CASD1: variants seen among roughly 807,000 people sequenced by gnomAD.
CASD1 encodes CAS1 domain sialic acid O acetyltransferase 1.
A neutral mutation model predicts 100.0 loss-of-function variants in CASD1; 41 were observed. The ratio of observed to expected loss-of-function variants is 0.41; its 90% CI spans 0.32 to 0.53. CASD1 has a LOEUF of 0.53. CASD1 is among the 20% of genes least tolerant of loss of function. The probability of loss-of-function intolerance (pLI) is 0.25; values close to 1 mark genes in which losing one functional copy is unlikely to be tolerated. For missense variants in CASD1, 774 were observed against 948.7 expected, an observed-to-expected ratio of 0.82 and a Z score of 2.42; for synonymous variants, 321 against 315.6, an observed-to-expected ratio of 1.02 and a Z score of -0.18.
At chr7:94,517,954 A>G (rs965405747) in intron 2 of CASD1, among the ~76,000 whole-genome samples, 5 of 152,236 alleles carry the variant, frequency 3.3e-5, no homozygotes, top group Non-Finnish European at 7.3e-5. Flanking sequence ...GGATTAAGAG[A>G]TAATAGATAT....
chr7:94,513,006 A>G (rs2116164072), intron 1 of CASD1, among the ~76,000 whole-genome samples: 1 of 152,308 alleles, frequency 6.6e-6, no homozygotes, highest in Admixed American at 6.5e-5. Context: ...AGAGGGAGAA[A>G]GCATTTTCCA....
intron 5 of CASD1, among the ~76,000 whole-genome samples, chr7:94,529,014 T>TAC (rs1262787714): frequency 6.6e-6 from 1 of 152,166 alleles, no homozygotes; most frequent in African/African-American, 2.4e-5. Flanking sequence ...AATAGGCTTT[T>TAC]GTAGGATCCT....
chr7:94,623,340 TATTA>T, the CASD1 span: 2 of 1,595,288 alleles, frequency 1.3e-6, no homozygotes, highest in Non-Finnish European at 1.7e-6. Flanking sequence ...GCAGACATTA[TATTA>T]ATTATCAAAT....
the CASD1 span, among the ~76,000 whole-genome samples, chr7:94,632,201 T>C: frequency 6.6e-6 from 1 of 151,964 alleles, no homozygotes; most frequent in Admixed American, 6.6e-5. Context: ...CAAAGCAAAA[T>C]GAAAGGTTGT....
the CASD1 span, among the ~76,000 whole-genome samples, chr7:94,608,796 A>G: frequency 2.0e-5 from 3 of 152,252 alleles, no homozygotes; most frequent in African/African-American, 7.2e-5. Context: ...ATCTGTGGCA[A>G]AGGAGCAAAG....
At chr7:94,626,543 T>A in the CASD1 span, 1 of 152,060 alleles carries the variant, frequency 6.6e-6, no homozygotes, top group Non-Finnish European at 1.5e-5. Flanking sequence ...ATGCTATTCA[T>A]GTGTAGAAAT....
chr7:94,586,074 A>AC, the CASD1 span, among the ~76,000 whole-genome samples: 8 of 150,134 alleles, frequency 5.3e-5, 1 homozygote, highest in Non-Finnish European at 7.4e-5. Context: ...AAAAAAAAAA[A>AC]AAAAAAAAAA....
chr7:94,619,912 G>A, the CASD1 span: 2 of 152,134 alleles, frequency 1.3e-5, no homozygotes, highest in Non-Finnish European at 2.9e-5. Context: ...AAGGTGCTCA[G>A]CAGAGCTCCC....
chr7:94,533,672 T>C lies in CASD1; in HGVS notation c.505-7T>C. ...TAAATTAATGCATAATTTGTACTTC[T>C]TTTTAGTGGTCCATCAAGATTCACA... On this transcript the variant is annotated splice_polypyrimidine_tract_variant and splice_region_variant and intron_variant, in intron 6 of 17. Coordinates refer to ENST00000297273, the MANE Select transcript of CASD1 (RefSeq NM_022900.5). The C allele has an allele frequency of 2.5e-6, 4 of 1,587,364 alleles. No individual in the cohort carries two copies. The highest frequency in any genetic ancestry group is 3.4e-6 in the Non-Finnish European group (4 of 1,168,340).
the CASD1 span, chr7:94,626,919 AAC>A: frequency 6.6e-6 from 1 of 152,026 alleles, no homozygotes; most frequent in African/African-American, 2.4e-5. Context: ...AATTTTAATA[AAC>A]ACTTTTTCCA....
intron 1 of CASD1, among the ~76,000 whole-genome samples, chr7:94,512,076 G>C (rs979135478): frequency 6.6e-6 from 1 of 152,176 alleles, no homozygotes; most frequent in Non-Finnish European, 1.5e-5. Context: ...CTCATGCTTT[G>C]GCAGTATCAA....
chr7:94,537,154 A>T (rs1211559832), intron 8 of CASD1, among the ~76,000 whole-genome samples: 1 of 152,106 alleles, frequency 6.6e-6, no homozygotes, highest in Admixed American at 6.5e-5. Flanking sequence ...GGGAAGAAAA[A>T]AAAAAAGGAA....
the CASD1 span, chr7:94,625,355 ACTTT>A: frequency 2.4e-4 from 36 of 152,044 alleles, no homozygotes; most frequent in East Asian, 2.9e-3. Flanking sequence ...GATATGGTAA[ACTTT>A]CTTTTTTTTA....
chr7:94,590,279 T>TA, the CASD1 span, among the ~76,000 whole-genome samples: 3 of 152,094 alleles, frequency 2.0e-5, no homozygotes, highest in African/African-American at 4.8e-5. Context: ...TATTTTTAAT[T>TA]AAAAAAATCT....
the CASD1 span, among the ~76,000 whole-genome samples, chr7:94,633,086 T>C: frequency 1.3e-5 from 2 of 152,066 alleles, no homozygotes; most frequent in Non-Finnish European, 2.9e-5. Context: ...GCCATGCTAA[T>C]CAAGCCAAGG....
the CASD1 span, chr7:94,599,696 C>A: frequency 6.2e-7 from 1 of 1,609,540 alleles, no homozygotes; most frequent in South Asian, 1.1e-5. Flanking sequence ...AAGACACTTA[C>A]TCTGGTGTTT....
the CASD1 span, chr7:94,590,973 A>ATCAG: frequency 3.9e-5 from 6 of 152,164 alleles, no homozygotes; most frequent in Non-Finnish European, 2.9e-5. Context: ...GTTCCACTTT[A>ATCAG]AAGATATTAC....
At chr7:94,585,260 C>A in the CASD1 span, 3 of 454,174 alleles carry the variant, frequency 6.6e-6, no homozygotes, top group Non-Finnish European at 1.2e-5. Context: ...TAAAGATCAA[C>A]TTTTATTGTA....
rs2301646 is a variant in CASD1 at position 94,517,663 on chromosome 7, T to G, written c.230+7T>G. 589,356 of 1,547,846 alleles carry G rather than the reference T, an allele frequency of 0.38. 116,887 individuals carry two copies. Among genetic ancestry groups the G allele is most frequent in the South Asian group, 0.47 (41,380 of 87,724 alleles). On this transcript the variant is annotated splice_region_variant and intron_variant, in intron 2 of 17. Coordinates refer to ENST00000297273, the MANE Select transcript of CASD1 (RefSeq NM_022900.5). ...TGCATAAATACAAAATCAGGTAACA[T>G]TTCTTCATTTTGTTGTTTTCTTTTT...
Sources: gnomAD v4.1 joint callset for allele counts (sites outside exome capture counted in the v4.1 genomes callset) on GRCh38, gnomAD v4.1.1 for gene constraint, MANE v1.5 for transcripts, NCBI Gene and HGNC (gene_info 2026-07-23, HGNC 2026-07-21) for gene names.